The following MSX1 variants were observed in gnomAD, a reference collection of about 807,000 sequenced individuals.
The protein encoded by MSX1 is homeobox protein MSX-1.
Under a neutral mutation model 17.0 loss-of-function variants are expected in MSX1, and 11 were observed. The ratio of observed to expected loss-of-function variants is 0.65; its 90% confidence interval spans 0.41 to 1.07. The LOEUF (loss-of-function observed/expected upper bound fraction) is 1.07. Among genes scored for constraint, MSX1 ranks in the 50% least tolerant of loss-of-function variants. MSX1 has a pLI of 0.00. For missense variants in MSX1, 477 were observed against 440.1 expected, an observed-to-expected ratio of 1.08 and a Z score of -0.75; for synonymous variants, 253 against 211.8, an observed-to-expected ratio of 1.19 and a Z score of -1.69.
chr4:4,862,604 A>C, intron 1 of MSX1, 97 bp from the exon 2 acceptor site: 1 of 1,406,392 alleles, frequency 7.1e-7, no homozygotes, highest in Non-Finnish European at 1.0e-6. Context: ...GGCACTCAAT[A>C]TCTGGTATTG....
chr4:4,863,350 GCATTT>G lies in MSX1; in HGVS notation c.*208_*212del. ...GGAAGAGTCCCTTAGTACTCTTCTA[GCATTT>G]AGATCTACACTCTCGAGTTAAAGAT... On this transcript the variant is annotated 3_prime_UTR_variant, in exon 2 of 2. Coordinates refer to ENST00000382723, the MANE Select transcript of MSX1 (RefSeq NM_002448.3). 2.6e-6 allele frequency: 1 copy of G among 386,206 alleles called. No individual in the cohort carries two copies. Among genetic ancestry groups the G allele is most frequent in the Non-Finnish European group, 4.5e-6 (1 of 222,452 alleles). 23.9% of individuals were successfully genotyped at this position (386,206 alleles called of 1,614,324 possible).
At chr4:4,862,337 G>A (rs1239465976) in intron 1 of MSX1, 1 of 433,768 alleles carries the variant, frequency 2.3e-6, no homozygotes, top group Non-Finnish European at 4.3e-6. Context: ...CCTTTCCTCT[G>A]GATGGCCCTG....
At position 4,862,747 on chromosome 4, in the gene MSX1, C is replaced by T; in HGVS notation, c.516C>T (p.Asn172=). The T allele has an allele frequency of 6.2e-7, 1 of 1,613,478 alleles. No homozygotes were observed. The highest frequency in any genetic ancestry group is 8.5e-7 in the Non-Finnish European group (1 of 1,180,040). The change falls in exon 2 of 2, where the codon AAC becomes AAT. Residue 172 remains asparagine, a synonymous_variant. Transcript: ENST00000382723. The part of the protein sequence containing the change: ...PACTLRKHKT[N]RKPRTPFTTA... ...GCACCCTCCGCAAACACAAGACGAA[C>T]CGTAAGCCGCGGACGCCCTTCACCA...
chr4:4,861,414 C>T (rs941042051), intron 1 of MSX1, among the ~76,000 whole-genome samples: 4 of 152,210 alleles, frequency 2.6e-5, no homozygotes, highest in Non-Finnish European at 4.4e-5. Context: ...GGTGTTAACA[C>T]GAGATTTCGT....
Position 4,859,793 on chromosome 4 carries a change from G to A in MSX1, c.-107G>A, listed in dbSNP as rs1415843470. The A allele has an allele frequency of 4.1e-6, 4 of 985,658 alleles. No homozygotes were observed. The South Asian group carries it at 1.5e-4, about 37-fold the overall frequency. The allele number at this position is 985,658 out of a possible 1,614,324, so 61.1% of individuals were successfully genotyped here. ...GAGGCGCGCGCGGGAGGGTCCGCCC[G>A]GCCAGGGCCCCGGGCGCTCGCAGAG... On this transcript the variant is annotated 5_prime_UTR_variant, in exon 1 of 2. Coordinates refer to ENST00000382723, the MANE Select transcript of MSX1 (RefSeq NM_002448.3).
chr4:4,860,507 G>T, intron 1 of MSX1, 139 bp downstream of exon 1: 4 of 1,089,004 alleles, frequency 3.7e-6, no homozygotes, highest in Non-Finnish European at 5.3e-6. Context: ...GCAAGGCCGG[G>T]TCTTGCGCCT....
chr4:4,863,039 T>C lies in MSX1; in HGVS notation c.808T>C (p.Ser270Pro), dbSNP rs766251853. 1 of 1,609,598 alleles carries C rather than the reference T, an allele frequency of 6.2e-7. No individual in the cohort carries two copies. Among genetic ancestry groups the C allele is most frequent in the Admixed American group, 1.7e-5 (1 of 59,762 alleles). The change falls in exon 2 of 2, where the codon TCG (serine) becomes CCG (proline). Residue 270 changes from serine (S) to proline (P), a missense_variant. Ser to Pro is a moderately conservative substitution (Grantham distance 74). Transcript: ENST00000382723. The stretch of plus-strand genomic sequence containing the variant: ...AGCTGTAGCGGCCGCGGCGGGTGCC[T>C]CGCTCTACGGTGCCTCTGGCCCCTT... ...PAAVAAAAGASLYGASGPFQR... is the reference protein window; with the variant it reads ...PAAVAAAAGAPLYGASGPFQR...
rs997321662 is a variant in MSX1, at chr4:4,860,155, G to A, written c.256G>A (p.Val86Met). ...KESALAPSEG[V>M]QAAGGSAQPL... Reference sequence around the variant, plus strand: ...GAGCGCCCTGGCGCCCTCCGAGGGCGTGCAGGCGGCGGGTGGCTCGGCGCA... The same window carrying A: ...GAGCGCCCTGGCGCCCTCCGAGGGCATGCAGGCGGCGGGTGGCTCGGCGCA... The change falls in exon 1 of 2, where the codon GTG becomes ATG. Residue 86 changes from valine (V) to methionine (M), a missense_variant. By Grantham distance (21) the Val-to-Met change is conservative (BLOSUM62 1). This residue lies in a region of MSX1 where 355 missense variants were observed against 306.1 expected (regional missense o/e 1.16). Coordinates refer to ENST00000382723, the MANE Select transcript of MSX1 (RefSeq NM_002448.3). The A allele has an allele frequency of 2.0e-6, 3 of 1,509,126 alleles. No homozygotes were observed. The highest frequency in any genetic ancestry group is 2.5e-5 in the South Asian group (2 of 81,036). 93.5% of individuals were successfully genotyped at this position (1,509,126 alleles called of 1,614,324 possible). A position where few individuals can be genotyped will look rare whatever the true frequency, so the allele number is the denominator to read the frequency against.
In MSX1 at chr4:4,859,964, G is replaced by A. The variant is rs755151662; in HGVS notation, c.65G>A (p.Gly22Asp). Residue 22 changes from glycine to aspartate, a missense_variant, in exon 1 of 2, where the codon GGC becomes GAC. Coordinates refer to ENST00000382723, the MANE Select transcript of MSX1 (RefSeq NM_002448.3). ...GTCAAAGTGGAGGACTCCGCCTTCG[G>A]CAAGCCGGCGGGGGGAGGCGCGGGC... ...LGVKVEDSAF[G>D]KPAGGGAGQA... The A allele has an allele frequency of 5.4e-5, 80 of 1,492,118 alleles. 1 individual carries two copies. In the Admixed American group the frequency reaches 1.5e-3, roughly 27 times the overall value. 92.4% of individuals were successfully genotyped at this position (1,492,118 alleles called of 1,614,324 possible).
At position 4,860,383 on chromosome 4, in the gene MSX1, C is replaced by A. The variant is rs1449171008; in HGVS notation, c.469+15C>A. On this transcript the variant is annotated intron_variant, in intron 1 of 1. Transcript: ENST00000382723. ...GCCGCCGGCCAGTGAGTAGCCAGAACCCAGGCGCAGAGGGAGGGGGCCGGG... is the reference window on the plus strand; with the variant it reads ...GCCGCCGGCCAGTGAGTAGCCAGAAACCAGGCGCAGAGGGAGGGGGCCGGG... The A allele has an allele frequency of 1.9e-6, 3 of 1,599,608 alleles. No homozygotes were observed. Among genetic ancestry groups the A allele is most frequent in the Non-Finnish European group, 2.5e-6 (3 of 1,178,050 alleles).
Position 4,859,872 on chromosome 4 carries a change from TGC to T in MSX1, c.-26_-25del. 6.8e-7 allele frequency: 1 copy of T among 1,467,510 alleles called. No homozygotes were observed. The highest frequency in any genetic ancestry group is 9.0e-7 in the Non-Finnish European group (1 of 1,107,876). The allele number at this position is 1,467,510 out of a possible 1,614,324, so 90.9% of individuals were successfully genotyped here. Reference sequence around the variant, plus strand: ...CCCATGCCCGGCGGCTGGCCAGTGCTGCGGCAGAAGGGGGGGCCCGGCTCTGC... The same window carrying T: ...CCCATGCCCGGCGGCTGGCCAGTGCTGGCAGAAGGGGGGGCCCGGCTCTGC... On this transcript the variant is annotated 5_prime_UTR_variant, in exon 1 of 2. Transcript: ENST00000382723.
intron 1 of MSX1, among the ~76,000 whole-genome samples, chr4:4,862,180 T>G (rs1028782990): frequency 1.3e-5 from 2 of 152,240 alleles, no homozygotes; most frequent in African/African-American, 4.8e-5. Context: ...GAATTTGATT[T>G]GGATTCTATG....
At chr4:4,860,467 C>T (rs1416557431) in intron 1 of MSX1, 99 bp downstream of exon 1, 3 of 1,441,454 alleles carry the variant, frequency 2.1e-6, no homozygotes, top group South Asian at 2.4e-5. Context: ...CGCCTGCGTA[C>T]CTGCAGCCGG....
rs1299050357 is a variant in MSX1 at position 4,863,263 on chromosome 4, A to G, written c.*120A>G. ...TTCCCTTTAACCCTCACACTGCTCC[A>G]GTTTCACCTCTTTGCTCCCTGAGTT... On this transcript the variant is annotated 3_prime_UTR_variant, in exon 2 of 2. Transcript: ENST00000382723. The G allele has an allele frequency of 2.8e-6, 3 of 1,056,374 alleles. No homozygotes were observed. The highest frequency in any genetic ancestry group is 3.2e-5 in the African/African-American group (2 of 63,294). 65.4% of individuals were successfully genotyped at this position (1,056,374 alleles called of 1,614,324 possible).
Position 4,862,702 on chromosome 4 carries a change from G to A in MSX1, c.471G>A (p.Arg157=), listed in dbSNP as rs150284621. ...CTTTTTTTTTCTTTCGGCCCTCAGG[G>A]CGGCTGAGCCCCCCAGCCTGCACCC... ...QSPRFSPPPA[R]RLSPPACTLR... is the part of the protein sequence containing the mutation. Residue 157 remains arginine (R), a splice_region_variant and synonymous_variant, in exon 2 of 2, where the codon AGG becomes AGA. Transcript: ENST00000382723. 19 of 1,612,336 alleles carry A rather than the reference G, an allele frequency of 1.2e-5. No homozygotes were observed. The African/African-American group carries it at 1.9e-4, about 16-fold the overall frequency.
At position 4,859,936 on chromosome 4, in the gene MSX1, G is replaced by A. The variant is rs955681045; in HGVS notation, c.37G>A (p.Gly13Ser). Residue 13 changes from glycine (G) to serine (S), a missense_variant, in exon 1 of 2, where the codon GGT becomes AGT. By Grantham distance (56) the Gly-to-Ser change is moderately conservative. Transcript: ENST00000382723. Reference protein sequence around the residue: ...PAADMTSLPLGVKVEDSAFGK... With the variant: ...PAADMTSLPLSVKVEDSAFGK... ...TGCTGACATGACTTCTTTGCCACTCGGTGTCAAAGTGGAGGACTCCGCCTT... is the reference window on the plus strand; with the variant it reads ...TGCTGACATGACTTCTTTGCCACTCAGTGTCAAAGTGGAGGACTCCGCCTT... 5.3e-6 allele frequency: 8 copies of A among 1,495,524 alleles called. No homozygotes were observed. In the Middle Eastern group the frequency reaches 7.0e-4, roughly 131 times the overall value. The allele number at this position is 1,495,524 out of a possible 1,614,324, so 92.6% of individuals were successfully genotyped here. A position where few individuals can be genotyped will look rare whatever the true frequency, so the allele number is the denominator to read the frequency against.
At position 4,860,321 on chromosome 4, in the gene MSX1, A is replaced by C. The variant is rs1342849180; in HGVS notation, c.422A>C (p.Glu141Ala). 6.2e-7 allele frequency: 1 copy of C among 1,603,174 alleles called. No homozygotes were observed. Among genetic ancestry groups the C allele is most frequent in the South Asian group, 1.1e-5 (1 of 90,986 alleles). Residue 141 changes from glutamate to alanine, a missense_variant, in exon 1 of 2, where the codon GAG becomes GCG. Around this residue, in one of 3 missense-constraint regions of MSX1, gnomAD observed 355 missense variants for 306.1 expected, o/e 1.16. Transcript: ENST00000382723. Reference protein sequence around the residue: ...LVKAESPEKPERTPWMQSPRF... With the variant: ...LVKAESPEKPARTPWMQSPRF... ...AAAGCCGAGAGCCCCGAGAAGCCCG[A>C]GAGGACCCCGTGGATGCAGAGCCCC...
At chr4:4,862,143 G>A (rs1737930735) in intron 1 of MSX1, among the ~76,000 whole-genome samples, 1 of 152,240 alleles carries the variant, frequency 6.6e-6, no homozygotes, top group Non-Finnish European at 1.5e-5. Flanking sequence ...GAATCCCGTA[G>A]GAGCGAAGTG....
Position 4,860,089 on chromosome 4 carries a change from G to A in MSX1, c.190G>A (p.Glu64Lys). 1 of 1,522,048 alleles carries A rather than the reference G, an allele frequency of 6.6e-7. No homozygotes were observed. Among genetic ancestry groups the A allele is most frequent in the Non-Finnish European group, 8.8e-7 (1 of 1,137,442 alleles). 94.3% of individuals were successfully genotyped at this position (1,522,048 alleles called of 1,614,324 possible). ...VSPSLLPFSV[E>K]ALMADHRKPG... ...CCCTTCGCTCCTGCCCTTCAGCGTG[G>A]AGGCGCTCATGGCCGACCACAGGAA... The change falls in exon 1 of 2, where the codon GAG (glutamate) becomes AAG (lysine). Residue 64 changes from glutamate (E) to lysine (K), a missense_variant. Glu to Lys is a moderately conservative substitution (Grantham distance 56, BLOSUM62 1). Coordinates refer to ENST00000382723, the MANE Select transcript of MSX1 (RefSeq NM_002448.3).
Sources: gnomAD v4.1 joint callset for allele counts (sites outside exome capture counted in the v4.1 genomes callset) on GRCh38, gnomAD v4.1.1 for gene constraint, gnomAD v4.1.1 regional missense constraint, MANE v1.5 for transcripts, NCBI Gene and HGNC (gene_info 2026-07-23, HGNC 2026-07-21) for gene names.